C1orf21: variants seen among roughly 807,000 people sequenced by gnomAD.
The protein encoded by C1orf21 is uncharacterized protein C1orf21.
Under a neutral mutation model 18.7 loss-of-function variants are expected in C1orf21, and 3 were observed. The ratio of observed to expected loss-of-function variants is 0.16; its 90% confidence interval spans 0.07 to 0.42. C1orf21 has a LOEUF of 0.42. C1orf21 is among the 10% of genes least tolerant of loss of function. The pLI is 0.99. For synonymous variants in C1orf21, 41 were observed against 46.4 expected (o/e 0.88, Z 0.47); for missense variants, 104 against 143.6 (o/e 0.72, Z 1.41).
Position 184,559,478 on chromosome 1 carries a change from C to T in C1orf21, c.190-31261C>T, listed in dbSNP as rs527566145. On this transcript the variant is annotated intron_variant, in intron 3 of 5. Transcript: ENST00000235307. Reference sequence around the variant, plus strand: ...GCATCTTTCTTTCTCTCCTTTCCCTCCTTCCTTCCTTCCTTCCTTCCTTCC... The same window carrying T: ...GCATCTTTCTTTCTCTCCTTTCCCTTCTTCCTTCCTTCCTTCCTTCCTTCC... 9.5e-4 allele frequency among the ~76,000 whole-genome samples: 121 copies of T among 127,622 alleles called. No individual in the cohort carries two copies. In the Middle Eastern group the frequency reaches 0.014, roughly 15 times the overall value. The allele number at this position is 127,622 out of a possible 152,430, so 83.7% of individuals were successfully genotyped here.
intron 1 of C1orf21, among the ~76,000 whole-genome samples, chr1:184,428,469 C>T (rs569058567): frequency 6.6e-6 from 1 of 152,222 alleles, no homozygotes; most frequent in African/African-American, 2.4e-5. Context: ...ATTAGAGCAG[C>T]TTCAGATGGG....
chr1:184,566,686 A>T (rs192279666), intron 3 of C1orf21: 2 of 383,810 alleles, frequency 5.2e-6, no homozygotes, highest in East Asian at 1.4e-4. Context: ...GTAGCCAAGA[A>T]GTGTCAAAAA....
intron 2 of C1orf21, among the ~76,000 whole-genome samples, chr1:184,506,406 G>A (rs1305135746): frequency 6.6e-6 from 1 of 152,092 alleles, no homozygotes; most frequent in Non-Finnish European, 1.5e-5. Context: ...ATTAGAAAGT[G>A]GTGTTATAGA....
At chr1:184,611,631 G>A (rs1476700860) in intron 5 of C1orf21, among the ~76,000 whole-genome samples, 1 of 152,190 alleles carries the variant, frequency 6.6e-6, no homozygotes, top group Non-Finnish European at 1.5e-5. Context: ...AAAACATGGA[G>A]GAAGGGGTTA....
chr1:184,527,439 G>C (rs1053514654), intron 3 of C1orf21, among the ~76,000 whole-genome samples: 5 of 152,150 alleles, frequency 3.3e-5, no homozygotes, highest in African/African-American at 1.2e-4. Context: ...GCAGATGAGG[G>C]AACAATTGAT....
intron 4 of C1orf21, among the ~76,000 whole-genome samples, chr1:184,595,349 C>A (rs1659498194): frequency 6.6e-6 from 1 of 152,254 alleles, no homozygotes; most frequent in Middle Eastern, 3.4e-3. Context: ...CTCCTCATCT[C>A]CCCCACTCAC....
At chr1:184,528,156 T>G (rs1212847751) in intron 3 of C1orf21, among the ~76,000 whole-genome samples, 2 of 152,196 alleles carry the variant, frequency 1.3e-5, no homozygotes, top group Non-Finnish European at 2.9e-5. Flanking sequence ...TACAGATGAG[T>G]AAGCAGAATT....
chr1:184,607,896 T>C (rs1371379564), intron 5 of C1orf21, among the ~76,000 whole-genome samples: 1 of 151,974 alleles, frequency 6.6e-6, no homozygotes, highest in Admixed American at 6.6e-5. Flanking sequence ...AGATGGACAT[T>C]CAACAAATAT....
At chr1:184,520,077 C>G (rs1658284778) in intron 3 of C1orf21, among the ~76,000 whole-genome samples, 1 of 152,168 alleles carries the variant, frequency 6.6e-6, no homozygotes, top group African/African-American at 2.4e-5. Context: ...GTGCCTGCTT[C>G]ATGTTCATAA....
At chr1:184,395,662 A>G (rs981442319) in intron 1 of C1orf21, among the ~76,000 whole-genome samples, 3 of 152,068 alleles carry the variant, frequency 2.0e-5, no homozygotes, top group African/African-American at 7.2e-5. Flanking sequence ...ATAAGAAAGC[A>G]CCAAGCTCTG....
At chr1:184,597,930 G>T (rs1250887186) in intron 4 of C1orf21, among the ~76,000 whole-genome samples, 1 of 152,154 alleles carries the variant, frequency 6.6e-6, no homozygotes, top group East Asian at 1.9e-4. Flanking sequence ...TCCTCAGCTT[G>T]TTTGCCACCG....
At position 184,627,201 on chromosome 1, in the gene C1orf21, A is replaced by C. The variant is rs1437078721; in HGVS notation, c.*7645A>C. The stretch of plus-strand genomic sequence containing the variant: ...GAGCTCTGCAGGTATGAGTCAGGGA[A>C]GGCTCAGAGACAAGCAGAATCTCTC... On this transcript the variant is annotated 3_prime_UTR_variant, in exon 6 of 6. Transcript: ENST00000235307. 2.0e-5 allele frequency: 3 copies of C among 152,408 alleles called. No individual in the cohort carries two copies. The East Asian group carries it at 5.8e-4, about 29-fold the overall frequency. 9.4% of individuals were successfully genotyped at this position (152,408 alleles called of 1,614,324 possible). A position where few individuals can be genotyped will look rare whatever the true frequency, so the allele number is the denominator to read the frequency against.
intron 4 of C1orf21, among the ~76,000 whole-genome samples, chr1:184,593,271 T>TTGTGTGTG (rs55802126): frequency 2.4e-4 from 36 of 149,692 alleles, no homozygotes; most frequent in Non-Finnish European, 4.0e-4. Context: ...AGCAGCATGC[T>TTGTGTGTG]TGTGTGTGTG....
chr1:184,502,189 C>T lies in C1orf21; in HGVS notation c.95-5399C>T, dbSNP rs909779241. 6.6e-5 allele frequency among the ~76,000 whole-genome samples: 10 copies of T among 152,160 alleles called. 1 individual carries two copies. The highest frequency in any genetic ancestry group is 2.1e-4 in the South Asian group (1 of 4,830). The stretch of plus-strand genomic sequence containing the variant: ...GCAAACAATGGAAATTTATTTTTCA[C>T]GGTTCTAGAGGCTGGGATGTCCAAG... On this transcript the variant is annotated intron_variant, in intron 2 of 5. Coordinates refer to ENST00000235307, the MANE Select transcript of C1orf21 (RefSeq NM_030806.4).
intron 2 of C1orf21, among the ~76,000 whole-genome samples, chr1:184,495,964 C>T (rs1657887768): frequency 6.8e-6 from 1 of 146,314 alleles, no homozygotes; most frequent in Non-Finnish European, 1.5e-5. Flanking sequence ...TGTAAGCTTT[C>T]TGTTAGGTAC....
intron 3 of C1orf21, among the ~76,000 whole-genome samples, chr1:184,581,832 C>A (rs1300674206): frequency 6.6e-6 from 1 of 152,200 alleles, no homozygotes; most frequent in Non-Finnish European, 1.5e-5. Flanking sequence ...ATTTGCCCCA[C>A]TTCATGTTTG....
chr1:184,558,367 A>G (rs757639363), intron 3 of C1orf21, among the ~76,000 whole-genome samples: 1 of 152,210 alleles, frequency 6.6e-6, no homozygotes, highest in Non-Finnish European at 1.5e-5. Flanking sequence ...AGAACATTTG[A>G]TCTTGACAAG....
At chr1:184,569,328 T>G (rs1370770956) in intron 3 of C1orf21, among the ~76,000 whole-genome samples, 1 of 152,212 alleles carries the variant, frequency 6.6e-6, no homozygotes, top group African/African-American at 2.4e-5. Context: ...TGCCACTTGC[T>G]TCTCATTTCC....
At chr1:184,391,694 A>G (rs1655972648) in intron 1 of C1orf21, among the ~76,000 whole-genome samples, 1 of 152,104 alleles carries the variant, frequency 6.6e-6, no homozygotes, top group Non-Finnish European at 1.5e-5. Context: ...ATGTCCTCTC[A>G]AATTATTGAA....
Sources: allele counts gnomAD v4.1 joint callset (sites outside exome capture counted in the v4.1 genomes callset), GRCh38; gene constraint gnomAD v4.1.1; transcripts MANE v1.5; gene names NCBI Gene and HGNC (gene_info 2026-07-23, HGNC 2026-07-21).